The following DPP10 variants were observed in gnomAD, a reference collection of about 807,000 sequenced individuals.
DPP10 encodes the protein inactive dipeptidyl peptidase 10.
DPP10 carries 33 observed loss-of-function variants against 120.9 expected under a neutral mutation model. The observed-to-expected ratio is 0.27, with a 90% CI of 0.21 to 0.37. The LOEUF (loss-of-function observed/expected upper bound fraction) is 0.37, where lower values mean the gene tolerates loss of function less well. DPP10 is among the 10% of genes least tolerant of loss of function. The probability of loss-of-function intolerance (pLI) is 1.00; values close to 1 mark genes in which losing one functional copy is unlikely to be tolerated. For synonymous variants in DPP10, 337 were observed against 326.1 expected (o/e 1.03, Z -0.36); for missense variants, 816 against 942.8 (o/e 0.87, Z 1.76).
chr2:114,460,717 T>C (rs1203588356), intron 1 of DPP10, among the ~76,000 whole-genome samples: 1 of 152,218 alleles, frequency 6.6e-6, no homozygotes, highest in African/African-American at 2.4e-5. Flanking sequence ...TTTCTGTATA[T>C]AAACTAATAA....
intron 21 of DPP10, among the ~76,000 whole-genome samples, chr2:115,819,778 G>C (rs1378178878): frequency 6.6e-6 from 1 of 152,152 alleles, no homozygotes; most frequent in Non-Finnish European, 1.5e-5. Flanking sequence ...CGGATCGCCT[G>C]AGGTTGGGAG....
intron 1 of DPP10, among the ~76,000 whole-genome samples, chr2:114,478,582 T>TAAGG (rs747556928): frequency 2.6e-5 from 4 of 151,646 alleles, no homozygotes; most frequent in African/African-American, 7.3e-5. Context: ...AAAAAATAAA[T>TAAGG]AAGGAAGGAA....
intron 5 of DPP10, among the ~76,000 whole-genome samples, chr2:115,598,255 A>G (rs1475586153): frequency 6.6e-6 from 1 of 151,782 alleles, no homozygotes; most frequent in Non-Finnish European, 1.5e-5. Flanking sequence ...AACATTTACT[A>G]TAAGATACAT....
intron 5 of DPP10, among the ~76,000 whole-genome samples, chr2:115,585,225 A>C (rs2082216221): frequency 6.6e-6 from 1 of 152,178 alleles, no homozygotes; most frequent in Non-Finnish European, 1.5e-5. Flanking sequence ...GCTAAGAAGT[A>C]AATTAATCAG....
In DPP10 at chr2:114,942,400, C is replaced by CATATATATATAT. The variant is rs1489821887; in HGVS notation, c.61-366838_61-366837insTATATATATATA. Reference sequence around the variant, plus strand: ...ACACATATATATATATACACACACACACATATATATATATATATATATGAT... The same window carrying CATATATATATAT: ...ACACATATATATATATACACACACACATATATATATATACATATATATATATATATATATGAT... On this transcript the variant is annotated intron_variant, in intron 1 of 25. Coordinates refer to ENST00000410059, the MANE Select transcript of DPP10 (RefSeq NM_020868.6). Among the ~76,000 whole-genome samples, 19 of 99,378 alleles carry CATATATATATAT rather than the reference C, an allele frequency of 1.9e-4. No homozygotes were observed. The East Asian group carries it at 3.6e-3, about 19-fold the overall frequency. The allele number at this position is 99,378 out of a possible 152,430, so 65.2% of individuals were successfully genotyped here. A position where few individuals can be genotyped will look rare whatever the true frequency, so the allele number is the denominator to read the frequency against.
At chr2:114,838,055 C>T (rs1287591262) in intron 1 of DPP10, among the ~76,000 whole-genome samples, 1 of 152,124 alleles carries the variant, frequency 6.6e-6, no homozygotes, top group Middle Eastern at 3.2e-3. Context: ...TGTGGCTGTG[C>T]CATCTGAAGA....
At chr2:114,721,697 A>G (rs1257931324) in intron 1 of DPP10, among the ~76,000 whole-genome samples, 1 of 152,206 alleles carries the variant, frequency 6.6e-6, no homozygotes, top group East Asian at 1.9e-4. Context: ...TAATGTACAC[A>G]TATGGTCTTG....
intron 1 of DPP10, among the ~76,000 whole-genome samples, chr2:115,129,251 C>G (rs2050222123): frequency 6.6e-6 from 1 of 152,136 alleles, no homozygotes; most frequent in Non-Finnish European, 1.5e-5. Flanking sequence ...GTCATGTCTC[C>G]TTTTATAGAT....
intron 3 of DPP10, among the ~76,000 whole-genome samples, chr2:115,462,521 G>T (rs1465727338): frequency 1.3e-5 from 2 of 151,862 alleles, no homozygotes; most frequent in African/African-American, 2.4e-5. Context: ...GGAGGACAAG[G>T]TCCTCCATGA....
At chr2:115,280,182 A>C (rs2060100402) in intron 1 of DPP10, among the ~76,000 whole-genome samples, 1 of 152,154 alleles carries the variant, frequency 6.6e-6, no homozygotes, top group Admixed American at 6.5e-5. Context: ...GACATTTATA[A>C]TCTTAGTCAT....
intron 1 of DPP10, among the ~76,000 whole-genome samples, chr2:114,991,812 G>A (rs1175530434): frequency 6.6e-6 from 1 of 152,220 alleles, no homozygotes; most frequent in Non-Finnish European, 1.5e-5. Context: ...GGATTGTATG[G>A]AGGTTGTGAA....
intron 1 of DPP10, among the ~76,000 whole-genome samples, chr2:114,906,088 G>T (rs147620656): frequency 2.0e-5 from 3 of 151,958 alleles, no homozygotes; most frequent in African/African-American, 7.3e-5. Flanking sequence ...AATAGAAGTC[G>T]TGAACCTGGG....
chr2:115,744,544 C>T lies in DPP10; in HGVS notation c.853-1542C>T, dbSNP rs1171244532. ...AGCTTATCTTCCAGGAAGCCCTTTA[C>T]TCTATGAACCAATTTCATAATCTCT... On this transcript the variant is annotated intron_variant, in intron 9 of 25. Coordinates refer to ENST00000410059, the MANE Select transcript of DPP10 (RefSeq NM_020868.6). Among the ~76,000 whole-genome samples, 3 of 150,322 alleles carry T rather than the reference C, an allele frequency of 2.0e-5. No homozygotes were observed. The Admixed American group carries it at 2.1e-4, about 11-fold the overall frequency.
chr2:115,082,775 C>G (rs1573542296), intron 1 of DPP10, among the ~76,000 whole-genome samples: 1 of 152,172 alleles, frequency 6.6e-6, no homozygotes, highest in African/African-American at 2.4e-5. Context: ...CTGAGAGGAA[C>G]CAGTGTGGCC....
intron 13 of DPP10, among the ~76,000 whole-genome samples, chr2:115,775,164 A>T (rs887707071): frequency 1.3e-5 from 2 of 152,040 alleles, no homozygotes; most frequent in African/African-American, 4.8e-5. Context: ...GAAATTATGT[A>T]TATATCCAAT....
rs1242336398 is a variant in DPP10 at position 115,698,890 on chromosome 2, G to GA, written c.576+8974dup. ...TTTACAACTGAAGGTACTCAAAAAA[G>GA]AAAAACAAACTAAACCTAAAGATAG... On this transcript the variant is annotated intron_variant, in intron 7 of 25. Coordinates refer to ENST00000410059, the MANE Select transcript of DPP10 (RefSeq NM_020868.6). Among the ~76,000 whole-genome samples the GA allele has an allele frequency of 1.6e-4, 24 of 151,340 alleles. No individual in the cohort carries two copies. The East Asian group carries it at 4.3e-3, about 27-fold the overall frequency.
At chr2:114,783,366 T>G (rs1352677113) in intron 1 of DPP10, among the ~76,000 whole-genome samples, 1 of 152,180 alleles carries the variant, frequency 6.6e-6, no homozygotes, top group Non-Finnish European at 1.5e-5. Flanking sequence ...AACTATTTTC[T>G]GTACTTTCCA....
intron 1 of DPP10, among the ~76,000 whole-genome samples, chr2:114,808,837 A>G (rs1684954222): frequency 6.6e-6 from 1 of 152,142 alleles, no homozygotes; most frequent in African/African-American, 2.4e-5. Context: ...GTGACCACCA[A>G]TATAAAATGC....
intron 21 of DPP10, among the ~76,000 whole-genome samples, chr2:115,821,450 T>C (rs906999757): frequency 6.6e-6 from 1 of 152,110 alleles, no homozygotes; most frequent in Non-Finnish European, 1.5e-5. Context: ...TTCCACCTTA[T>C]TATTTTCAGC....
Sources: gnomAD v4.1 joint callset for allele counts (sites outside exome capture counted in the v4.1 genomes callset) on GRCh38, gnomAD v4.1.1 for gene constraint, MANE v1.5 for transcripts, NCBI Gene and HGNC (gene_info 2026-07-23, HGNC 2026-07-21) for gene names.